The following VEZT variants were observed in gnomAD, a reference collection of about 807,000 sequenced individuals.
The protein encoded by VEZT is vezatin.
In VEZT, 39 loss-of-function variants were observed where a neutral mutation model predicts 79.9. That is an observed-to-expected ratio of 0.49 (90% CI 0.38 to 0.64). VEZT has a LOEUF of 0.64. Among genes scored for constraint, VEZT ranks in the 30% least tolerant of loss-of-function variants. The pLI, the probability that VEZT is intolerant of heterozygous loss-of-function variation, is 0.00. For synonymous variants in VEZT, 325 were observed against 327.6 expected (o/e 0.99, Z 0.09); for missense variants, 837 against 893.1 (o/e 0.94, Z 0.80).
intron 9 of VEZT, among the ~76,000 whole-genome samples, chr12:95,292,036 G>A (rs2072978974): frequency 6.6e-6 from 1 of 152,162 alleles, no homozygotes; most frequent in African/African-American, 2.4e-5. Context: ...CTAACCTCAA[G>A]TGATCAGCCC....
At chr12:95,270,233 G>A (rs369842108) in intron 6 of VEZT, 45 bp downstream of exon 6, 398 of 1,530,176 alleles carry the variant, frequency 2.6e-4, no homozygotes, top group Admixed American at 4.2e-4. Context: ...TGTTTCTGGA[G>A]TCCTGAATAT....
At chr12:95,258,173 T>A in intron 3 of VEZT, 1 of 442,096 alleles carries the variant, frequency 2.3e-6, no homozygotes, top group Non-Finnish European at 4.5e-6. Context: ...CAGGGTTTCA[T>A]CTTTGTTGAA....
chr12:95,253,187 T>C (rs1352815278), intron 2 of VEZT, among the ~76,000 whole-genome samples: 2 of 152,216 alleles, frequency 1.3e-5, no homozygotes, highest in African/African-American at 4.8e-5. Context: ...CCAAATTTCC[T>C]CATTCCTTGA....
rs1301390873 is a variant in VEZT, at chr12:95,250,596, C to T, written c.37-1344C>T. 2.6e-5 allele frequency among the ~76,000 whole-genome samples: 4 copies of T among 152,220 alleles called. No individual in the cohort carries two copies. In the East Asian group the frequency reaches 7.7e-4, roughly 29 times the overall value. On this transcript the variant is annotated intron_variant, in intron 1 of 11. Transcript: ENST00000436874. Reference sequence around the variant, plus strand: ...GGGATTACAGGCGTGAGCCACCGCCCCCAGCCAAGATTTATTTTTAAACAT... The same window carrying T: ...GGGATTACAGGCGTGAGCCACCGCCTCCAGCCAAGATTTATTTTTAAACAT...
chr12:95,261,485 C>T (rs1263774615), intron 3 of VEZT, among the ~76,000 whole-genome samples: 3 of 152,100 alleles, frequency 2.0e-5, no homozygotes, highest in Non-Finnish European at 4.4e-5. Context: ...AATCTCGGCT[C>T]ACTGCAACCT....
chr12:95,248,837 A>C (rs964344806), intron 1 of VEZT, among the ~76,000 whole-genome samples: 2 of 140,360 alleles, frequency 1.4e-5, no homozygotes, highest in Non-Finnish European at 3.0e-5. Context: ...AAAAAAAAAA[A>C]AGAAAGAAAG....
At chr12:95,266,255 A>G in intron 4 of VEZT, 102 bp from the exon 5 acceptor site, 1 of 1,272,966 alleles carries the variant, frequency 7.9e-7, no homozygotes, top group East Asian at 2.3e-5. Context: ...CATTTTATTT[A>G]TTTAGTAAAC....
At chr12:95,285,965 G>C (rs1173372900) in intron 8 of VEZT, among the ~76,000 whole-genome samples, 3 of 142,642 alleles carry the variant, frequency 2.1e-5, no homozygotes, top group Admixed American at 7.1e-5. Context: ...AAACCAAGAC[G>C]CTCCCCCCGA....
At chr12:95,237,434 G>C (rs371158009) in intron 1 of VEZT, among the ~76,000 whole-genome samples, 18 of 152,170 alleles carry the variant, frequency 1.2e-4, no homozygotes, top group Middle Eastern at 3.4e-3. Flanking sequence ...AACTACACTG[G>C]ATCATCCTCC....
intron 7 of VEZT, among the ~76,000 whole-genome samples, chr12:95,279,867 G>A (rs1050795375): frequency 6.6e-6 from 1 of 152,184 alleles, no homozygotes; most frequent in African/African-American, 2.4e-5. Flanking sequence ...TTACAGGTGG[G>A]AGCCACTGCG....
intron 6 of VEZT, among the ~76,000 whole-genome samples, chr12:95,270,527 C>T (rs1319507990): frequency 6.6e-6 from 1 of 152,162 alleles, no homozygotes; most frequent in African/African-American, 2.4e-5. Flanking sequence ...TGCATCATGG[C>T]ATGTTAATAA....
At chr12:95,232,867 G>T (rs12426451) in intron 1 of VEZT, among the ~76,000 whole-genome samples, 16,335 of 152,020 alleles carry the variant, frequency 0.11, 1,194 homozygotes, top group Non-Finnish European at 0.16. Context: ...GTGCAGTGAC[G>T]CAATCTCGGC....
chr12:95,235,542 C>T (rs1188997346), intron 1 of VEZT, among the ~76,000 whole-genome samples: 3 of 142,918 alleles, frequency 2.1e-5, no homozygotes, highest in Non-Finnish European at 4.6e-5. Flanking sequence ...GGGCGGGGGG[C>T]TGACCCCCCG....
At chr12:95,286,070 G>GT (rs2070756166) in intron 8 of VEZT, among the ~76,000 whole-genome samples, 1 of 132,572 alleles carries the variant, frequency 7.5e-6, no homozygotes, top group Non-Finnish European at 1.5e-5. Flanking sequence ...TCGGCTCACT[G>GT]CAACCTCTGC....
At chr12:95,295,467 GCTT>G (rs1227314710) in intron 10 of VEZT, among the ~76,000 whole-genome samples, 1 of 152,038 alleles carries the variant, frequency 6.6e-6, no homozygotes, top group Admixed American at 6.6e-5. Flanking sequence ...GCTGGTGCCT[GCTT>G]CTTTTATCTC....
chr12:95,288,320 A>C (rs1348538233), intron 9 of VEZT, among the ~76,000 whole-genome samples: 5 of 152,184 alleles, frequency 3.3e-5, no homozygotes, highest in Non-Finnish European at 7.4e-5. Flanking sequence ...ATCTAAAGAC[A>C]TTGTGTCATT....
At chr12:95,222,833 A>G (rs923371) in intron 1 of VEZT, among the ~76,000 whole-genome samples, 113,813 of 152,124 alleles carry the variant, frequency 0.75, 43,544 homozygotes, top group African/African-American at 0.92. Flanking sequence ...AAATGAATCA[A>G]GCAACTTCTC....
At chr12:95,251,211 A>G (rs773321510) in intron 1 of VEZT, among the ~76,000 whole-genome samples, 2 of 152,188 alleles carry the variant, frequency 1.3e-5, no homozygotes, top group Admixed American at 6.5e-5. Context: ...GCATTTCACC[A>G]TGTTGGCCAG....
intron 3 of VEZT, among the ~76,000 whole-genome samples, chr12:95,261,977 A>G (rs1346229880): frequency 1.3e-5 from 2 of 152,328 alleles, no homozygotes; most frequent in East Asian, 1.9e-4. Flanking sequence ...TCTGTGCACA[A>G]TCTATTAATA....
Sources: gnomAD v4.1 joint callset for allele counts (sites outside exome capture counted in the v4.1 genomes callset) on GRCh38, gnomAD v4.1.1 for gene constraint, MANE v1.5 for transcripts, NCBI Gene and HGNC (gene_info 2026-07-23, HGNC 2026-07-21) for gene names.